CLTCL1: variants seen among roughly 807,000 people sequenced by gnomAD.
CLTCL1 encodes the protein clathrin heavy chain like 1.
A neutral mutation model predicts 190.0 loss-of-function variants in CLTCL1; 159 were observed. The ratio of observed to expected loss-of-function variants is 0.84; its 90% CI spans 0.74 to 0.95. The LOEUF is 0.95. Among genes scored for constraint, CLTCL1 ranks in the 40% least tolerant of loss-of-function variants. The pLI is 0.00. For missense variants in CLTCL1, 1,878 were observed against 2,033.4 expected (o/e 0.92, Z 1.47); for synonymous variants, 752 against 769.6 (o/e 0.98, Z 0.38).
intron 3 of CLTCL1, among the ~76,000 whole-genome samples, chr22:19,247,122 G>A (rs1555968257): frequency 6.6e-6 from 1 of 152,122 alleles, no homozygotes; most frequent in Non-Finnish European, 1.5e-5. Flanking sequence ...GAGTTTTGTA[G>A]TTTTACCTTC....
rs1461380615 is a variant in CLTCL1, at chr22:19,222,744, G to T, written c.2358C>A (p.Asp786Glu). 1.9e-6 allele frequency: 3 copies of T among 1,599,568 alleles called. No individual in the cohort carries two copies. The African/African-American group carries it at 4.0e-5, about 21-fold the overall frequency. Residue 786 changes from aspartate (D) to glutamate (E), a missense_variant, in exon 15 of 33, where the codon GAC (aspartate) becomes GAA (glutamate). Transcript: ENST00000427926. ...IVCDRFGFVHDLVLYLYRNNL... is the reference protein window; with the variant it reads ...IVCDRFGFVHELVLYLYRNNL... ...TGTTGCGGTATAAATATAGGACAAGGTCATGGACAAAGCCAAAACGATCAC... is the reference window on the plus strand; with the variant it reads ...TGTTGCGGTATAAATATAGGACAAGTTCATGGACAAAGCCAAAACGATCAC...
intron 29 of CLTCL1, chr22:19,184,379 T>C (rs1467082029): frequency 4.6e-6 from 2 of 430,624 alleles, no homozygotes; most frequent in African/African-American, 4.0e-5. Flanking sequence ...ATGCCTGCCA[T>C]CGCCTGCAGC....
rs1555959579 is a variant in CLTCL1 at position 19,232,532 on chromosome 22, G to T, written c.1588C>A (p.Leu530Met). The T allele has an allele frequency of 1.9e-6, 3 of 1,613,970 alleles. No homozygotes were observed. The change falls in exon 10 of 33, where the codon CTG becomes ATG. Residue 530 changes from leucine (L) to methionine (M), a missense_variant. Physicochemically the swap from Leu to Met is conservative, Grantham distance 15 (BLOSUM62 2). Coordinates refer to ENST00000427926, the MANE Select transcript of CLTCL1 (RefSeq NM_007098.4). ...GVMKISPEQG[L>M]QFSRMLVQDE... Reference sequence around the variant, plus strand: ...TGCACTAGCATTCGAGAAAACTGCAGGCCCTGTTCCGGACTGATCTTCATT... The same window carrying T: ...TGCACTAGCATTCGAGAAAACTGCATGCCCTGTTCCGGACTGATCTTCATT...
chr22:19,233,220 G>A lies in CLTCL1; in HGVS notation c.1467C>T (p.Ile489=), dbSNP rs782535774. Residue 489 remains isoleucine, a synonymous_variant, in exon 9 of 33, where the codon ATC becomes ATT. Transcript: ENST00000427926. Reference sequence around the variant, plus strand: ...ATTGGCCTGTTTCTGCAAAACACTGGATCACTTTGCTTGGCACATTTGCCC... The same window carrying A: ...ATTGGCCTGTTTCTGCAAAACACTGAATCACTTTGCTTGGCACATTTGCCC... ...YLRANVPSKV[I]QCFAETGQFQ... is the part of the protein sequence containing the mutation. 1 of 1,614,000 alleles carries A rather than the reference G, an allele frequency of 6.2e-7. No individual in the cohort carries two copies.
At chr22:19,223,691 T>A (rs753750893) in intron 14 of CLTCL1, among the ~76,000 whole-genome samples, 200 bp downstream of exon 14, 1 of 152,222 alleles carries the variant, frequency 6.6e-6, no homozygotes, top group Non-Finnish European at 1.5e-5. Context: ...GAGCACAGCC[T>A]CAAGCTGCTT....
intron 1 of CLTCL1, among the ~76,000 whole-genome samples, chr22:19,282,606 G>A (rs530895863): frequency 3.3e-5 from 5 of 150,910 alleles, no homozygotes; most frequent in Non-Finnish European, 7.4e-5. Context: ...TCCAGCCTGG[G>A]CGACAGAGCG....
At chr22:19,180,853 T>G in intron 30 of CLTCL1, 47 bp from the exon 31 acceptor site, 1 of 1,556,402 alleles carries the variant, frequency 6.4e-7, no homozygotes, top group Admixed American at 1.7e-5. Flanking sequence ...CAGAGTGCAG[T>G]CCGGCCTCTA....
intron 2 of CLTCL1, chr22:19,258,598 A>T: frequency 3.2e-6 from 2 of 617,680 alleles, no homozygotes; most frequent in Non-Finnish European, 3.0e-6. Context: ...CGCCAGGCCC[A>T]GGAGTACGAG....
Position 19,196,603 on chromosome 22 carries a change from C to T in CLTCL1, c.3927G>A (p.Leu1309=). ...TGAACATGCCCATGTGGGCCCGCTC[C>T]AGGCCCAGGGCCGCTTCCAACAGCA... The part of the protein sequence containing the change: ...LILLLEAALG[L]ERAHMGMFTE... The change falls in exon 25 of 33, where the codon CTG becomes CTA. Residue 1309 remains leucine, a synonymous_variant. Transcript: ENST00000427926. 5.6e-6 allele frequency: 9 copies of T among 1,613,804 alleles called. No homozygotes were observed. The highest frequency in any genetic ancestry group is 7.6e-6 in the Non-Finnish European group (9 of 1,179,810).
chr22:19,188,217 T>A, intron 27 of CLTCL1, 126 bp from the exon 28 acceptor site: 1 of 794,706 alleles, frequency 1.3e-6, no homozygotes, highest in Non-Finnish European at 2.2e-6. Flanking sequence ...AAGGGCACCT[T>A]CTGGACACCT....
At chr22:19,258,507 T>C in intron 2 of CLTCL1, 1 of 515,544 alleles carries the variant, frequency 1.9e-6, no homozygotes, top group South Asian at 1.7e-5. Flanking sequence ...GGAGGCCTGC[T>C]ATACCACGCA....
chr22:19,216,989 C>T (rs993194062), intron 18 of CLTCL1, among the ~76,000 whole-genome samples: 4 of 152,186 alleles, frequency 2.6e-5, no homozygotes, highest in African/African-American at 9.7e-5. Context: ...AGAGACAGCT[C>T]TGGACGGTCT....
In CLTCL1 at chr22:19,233,176, T is replaced by C. The variant is rs892369233; in HGVS notation, c.1511A>G (p.Tyr504Cys). Residue 504 changes from tyrosine to cysteine, a missense_variant, in exon 9 of 33, where the codon TAT becomes TGT. Coordinates refer to ENST00000427926, the MANE Select transcript of CLTCL1 (RefSeq NM_007098.4). The part of the protein sequence containing the change: ...ETGQFQKIVL[Y>C]AKKVGYTPDW... ...TTCAACACACGTTACCTTTTTGGCA[T>C]AGAGCACAATTTTCTGGAATTGGCC... 3.1e-6 allele frequency: 5 copies of C among 1,613,138 alleles called. No homozygotes were observed. In the South Asian group the frequency reaches 4.4e-5, roughly 14 times the overall value.
intron 2 of CLTCL1, among the ~76,000 whole-genome samples, chr22:19,260,474 C>T (rs1215955785): frequency 6.7e-6 from 1 of 148,704 alleles, no homozygotes; most frequent in Non-Finnish European, 1.5e-5. Flanking sequence ...TCCTAAGGCC[C>T]TTAAGAATTA....
chr22:19,202,422 C>CCCACCACCCCTCCTTCCGCCATCCACG (rs2084918267), intron 22 of CLTCL1, among the ~76,000 whole-genome samples: 1 of 151,886 alleles, frequency 6.6e-6, no homozygotes, highest in Non-Finnish European at 1.5e-5. Context: ...CGGCACCTCC[C>CCCACCACCCCTCCTTCCGCCATCCACG]GCACCACCCC....
At chr22:19,246,064 T>C (rs2086407978) in intron 3 of CLTCL1, among the ~76,000 whole-genome samples, 1 of 152,124 alleles carries the variant, frequency 6.6e-6, no homozygotes. Flanking sequence ...GTGTTTAACT[T>C]TTTTTTATTT....
chr22:19,242,818 G>T lies in CLTCL1; in HGVS notation c.638C>A (p.Ala213Asp). The change falls in exon 4 of 33, where the codon GCC becomes GAC. Residue 213 changes from alanine (A) to aspartate (D), a missense_variant. By Grantham distance (126) the Ala-to-Asp change is moderately radical. Coordinates refer to ENST00000427926, the MANE Select transcript of CLTCL1 (RefSeq NM_007098.4). ...EFKMEGNAKP[A>D]TLFCFAVRNP... ...ACGTACAGCAAAGCAGAAAAGGGTGGCAGGCTTGGCATTCCCCTCCATCTT... is the reference window on the plus strand; with the variant it reads ...ACGTACAGCAAAGCAGAAAAGGGTGTCAGGCTTGGCATTCCCCTCCATCTT... 6.2e-7 allele frequency: 1 copy of T among 1,613,930 alleles called. No individual in the cohort carries two copies. The highest frequency in any genetic ancestry group is 8.5e-7 in the Non-Finnish European group (1 of 1,179,890).
chr22:19,232,774 T>G (rs1356546537), intron 9 of CLTCL1, 176 bp from the exon 10 acceptor site: 2 of 864,704 alleles, frequency 2.3e-6, no homozygotes, highest in Non-Finnish European at 3.4e-6. Flanking sequence ...ATTGATTTAA[T>G]GTACATGGAA....
In CLTCL1 at chr22:19,183,284, G is replaced by C. The variant is rs925606086; in HGVS notation, c.4827+106C>G. Reference sequence around the variant, plus strand: ...CAGCCAGGGCTGGCTGGGGAATCTGGGTTGGCCTCAAAGGGGCCCACCCTT... The same window carrying C: ...CAGCCAGGGCTGGCTGGGGAATCTGCGTTGGCCTCAAAGGGGCCCACCCTT... On this transcript the variant is annotated intron_variant, in intron 30 of 32. Coordinates refer to ENST00000427926, the MANE Select transcript of CLTCL1 (RefSeq NM_007098.4). 12 of 912,620 alleles carry C rather than the reference G, an allele frequency of 1.3e-5. No homozygotes were observed. The African/African-American group carries it at 1.8e-4, about 14-fold the overall frequency. The allele number at this position is 912,620 out of a possible 1,614,324, so 56.5% of individuals were successfully genotyped here. A position where few individuals can be genotyped will look rare whatever the true frequency, so the allele number is the denominator to read the frequency against.
Sources: allele counts gnomAD v4.1 joint callset (sites outside exome capture counted in the v4.1 genomes callset), GRCh38; gene constraint gnomAD v4.1.1; transcripts MANE v1.5; gene names NCBI Gene and HGNC (gene_info 2026-07-23, HGNC 2026-07-21).